Variants in THSD7A observed in about 807,000 individuals in gnomAD.
THSD7A encodes thrombospondin type 1 domain containing 7A.
THSD7A carries 96 observed loss-of-function variants against 231.3 expected under a neutral mutation model. That is an observed-to-expected ratio of 0.41 (90% confidence interval 0.35 to 0.49). The LOEUF (loss-of-function observed/expected upper bound fraction) is 0.49. Ranked by LOEUF, THSD7A falls within the 20% of genes least tolerant of loss-of-function variation. The pLI, the probability that THSD7A is intolerant of heterozygous loss-of-function variation, is 0.05. For synonymous variants in THSD7A, 940 were observed against 743.3 expected, an observed-to-expected ratio of 1.26 and a Z score of -4.30; for missense variants, 2,290 against 2,070.2, an observed-to-expected ratio of 1.11 and a Z score of -2.06.
At chr7:11,395,421 ATAAT>A (rs753212027) in intron 23 of THSD7A, among the ~76,000 whole-genome samples, 1 of 152,186 alleles carries the variant, frequency 6.6e-6, no homozygotes, top group Non-Finnish European at 1.5e-5. Context: ...AATGAGACAG[ATAAT>A]TAATAAGGAT....
chr7:11,798,808 G>A (rs774425773), intron 1 of THSD7A, among the ~76,000 whole-genome samples: 3 of 152,018 alleles, frequency 2.0e-5, no homozygotes, highest in Non-Finnish European at 2.9e-5. Flanking sequence ...TTAGAAAACA[G>A]TACTCTATAA....
intron 1 of THSD7A, among the ~76,000 whole-genome samples, chr7:11,775,399 C>G (rs921568026): frequency 1.3e-5 from 2 of 152,172 alleles, no homozygotes; most frequent in Non-Finnish European, 2.9e-5. Flanking sequence ...CACCCGCGTT[C>G]ATAGCAACAT....
intron 6 of THSD7A, among the ~76,000 whole-genome samples, chr7:11,521,469 T>G (rs1405887910): frequency 8.9e-6 from 1 of 111,840 alleles, no homozygotes; most frequent in Non-Finnish European, 1.8e-5. Context: ...TCTTTTTTAT[T>G]TTTTTATTTT....
chr7:11,751,154 C>A (rs1235915649), intron 1 of THSD7A: 2 of 152,098 alleles, frequency 1.3e-5, no homozygotes, highest in African/African-American at 4.8e-5. Flanking sequence ...GAAGCTTTCC[C>A]AATTACCGCC....
intron 6 of THSD7A, among the ~76,000 whole-genome samples, chr7:11,510,880 G>C (rs1018861799): frequency 1.3e-5 from 2 of 152,108 alleles, no homozygotes; most frequent in Admixed American, 6.6e-5. Context: ...GCACAAGACA[G>C]GGATGCCCTC....
At chr7:11,540,154 A>T (rs919776188) in intron 6 of THSD7A, among the ~76,000 whole-genome samples, 2 of 152,222 alleles carry the variant, frequency 1.3e-5, no homozygotes, top group African/African-American at 4.8e-5. Context: ...ATCACAGCAG[A>T]TTATGCTTAT....
chr7:11,720,548 T>C (rs1451317191), intron 1 of THSD7A, among the ~76,000 whole-genome samples: 3 of 151,810 alleles, frequency 2.0e-5, no homozygotes, highest in African/African-American at 7.2e-5. Context: ...ATACTCTCCC[T>C]AATTGCATGT....
chr7:11,568,779 C>A (rs181387034), intron 4 of THSD7A, among the ~76,000 whole-genome samples: 262 of 151,214 alleles, frequency 1.7e-3, no homozygotes, highest in African/African-American at 5.7e-3. Context: ...AAGAGGAAGT[C>A]AAACTGTCCC....
At chr7:11,773,691 C>G (rs561357538) in intron 1 of THSD7A, among the ~76,000 whole-genome samples, 1 of 151,682 alleles carries the variant, frequency 6.6e-6, no homozygotes, top group Admixed American at 6.6e-5. Context: ...CATAATAATA[C>G]ATATTTGTGG....
At chr7:11,601,720 G>A (rs1330431502) in intron 2 of THSD7A, among the ~76,000 whole-genome samples, 2 of 152,130 alleles carry the variant, frequency 1.3e-5, no homozygotes, top group African/African-American at 4.8e-5. Context: ...ACTGATGACG[G>A]TGTGACTTAT....
chr7:11,474,543 A>G lies in THSD7A; in HGVS notation c.2043T>C (p.Ser681=). 1 of 1,602,486 alleles carries G rather than the reference A, an allele frequency of 6.2e-7. No individual in the cohort carries two copies. The highest frequency in any genetic ancestry group is 1.3e-5 in the African/African-American group (1 of 74,812). The change falls in exon 8 of 28, where the codon AGT becomes AGC. Residue 681 remains serine (S), a synonymous_variant. Transcript: ENST00000423059. The surrounding 1 kb of genome is among the most constrained non-coding windows in gnomAD (Gnocchi z 4.1). ...EEGGIRCPNS[S]ALQEVRSCNE... is the part of the protein sequence containing the mutation. ...TACAGCTTCGTACTTCTTGCAAAGC[A>G]CTGCTATTTGGACAGCGAATTCCAC...
chr7:11,447,081 T>G (rs1784993918), intron 12 of THSD7A, 149 bp downstream of exon 12: 3 of 771,262 alleles, frequency 3.9e-6, no homozygotes, highest in Non-Finnish European at 6.1e-6. Context: ...TACATAATGC[T>G]TTTATCACTG....
chr7:11,739,833 C>T (rs567732887), intron 1 of THSD7A, among the ~76,000 whole-genome samples: 1 of 152,054 alleles, frequency 6.6e-6, no homozygotes, highest in South Asian at 2.1e-4. Flanking sequence ...AGCTTATGTG[C>T]TTCTCTTGTA....
intron 7 of THSD7A, among the ~76,000 whole-genome samples, chr7:11,477,427 A>G (rs1454687261): frequency 6.6e-6 from 1 of 152,176 alleles, no homozygotes; most frequent in Non-Finnish European, 1.5e-5. Context: ...CATTATTGAT[A>G]ATGCTAACTT....
intron 1 of THSD7A, among the ~76,000 whole-genome samples, chr7:11,726,914 T>G (rs1022930628): frequency 6.6e-6 from 1 of 151,864 alleles, no homozygotes; most frequent in African/African-American, 2.4e-5. Flanking sequence ...CCTGGCCCAG[T>G]CTCTCTCGTA....
At chr7:11,674,988 A>T (rs1403140267) in intron 1 of THSD7A, among the ~76,000 whole-genome samples, 3 of 152,160 alleles carry the variant, frequency 2.0e-5, no homozygotes, top group African/African-American at 7.2e-5. Context: ...AGATGGCCGA[A>T]TAGGAACAGC....
rs559598314 is a variant in THSD7A at position 11,760,702 on chromosome 7, C to G, written c.190+71055G>C. Among the ~76,000 whole-genome samples the G allele has an allele frequency of 1.4e-4, 21 of 152,076 alleles. No individual in the cohort carries two copies. In the East Asian group the frequency reaches 4.1e-3, roughly 29 times the overall value. On this transcript the variant is annotated intron_variant, in intron 1 of 27. Coordinates refer to ENST00000423059, the MANE Select transcript of THSD7A (RefSeq NM_015204.3). Reference sequence around the variant, plus strand: ...TACAGCTTTCATGTTGTACCAGAGGCTTTAGCACATACTATGTTAATAATA... The same window carrying G: ...TACAGCTTTCATGTTGTACCAGAGGGTTTAGCACATACTATGTTAATAATA...
At chr7:11,388,098 T>C (rs973656553) in intron 23 of THSD7A, among the ~76,000 whole-genome samples, 2 of 152,152 alleles carry the variant, frequency 1.3e-5, no homozygotes, top group Non-Finnish European at 2.9e-5. Flanking sequence ...CTGGATTCAG[T>C]TTGCCAGTAT....
intron 1 of THSD7A, among the ~76,000 whole-genome samples, chr7:11,791,750 C>T (rs4719285): frequency 0.79 from 119,397 of 151,734 alleles, 47,097 homozygotes; most frequent in Middle Eastern, 0.89. Flanking sequence ...AAAAATATTT[C>T]CTACCTGCTA....
Sources: gnomAD v4.1 joint callset for allele counts (sites outside exome capture counted in the v4.1 genomes callset) on GRCh38, gnomAD v4.1.1 for gene constraint, Gnocchi (gnomAD v3.1) non-coding constraint, MANE v1.5 for transcripts, NCBI Gene and HGNC (gene_info 2026-07-23, HGNC 2026-07-21) for gene names.